Variants in CACNA1B observed in about 807,000 individuals in gnomAD.
CACNA1B encodes calcium voltage-gated channel subunit alpha1 B, also known as voltage-dependent N-type calcium channel subunit alpha-1B.
A neutral mutation model predicts 247.2 loss-of-function variants in CACNA1B; 70 were observed. The ratio of observed to expected loss-of-function variants is 0.28; its 90% confidence interval spans 0.23 to 0.35. CACNA1B has a LOEUF of 0.35. CACNA1B is among the 10% of genes least tolerant of loss of function. The pLI, the probability that CACNA1B is intolerant of heterozygous loss-of-function variation, is 1.00. For missense variants in CACNA1B, 2,367 were observed against 3,197.4 expected (o/e 0.74, Z 6.26); for synonymous variants, 1,231 against 1,294.4 (o/e 0.95, Z 1.05).
rs1957429001 is a variant in CACNA1B, at chr9:137,917,786, C to A, written c.966+355C>A. 6.6e-6 allele frequency among the ~76,000 whole-genome samples: 1 copy of A among 152,210 alleles called. No homozygotes were observed. Among genetic ancestry groups the A allele is most frequent in the Non-Finnish European group, 1.5e-5 (1 of 68,038 alleles). On this transcript the variant is annotated intron_variant, in intron 6 of 46. Coordinates refer to ENST00000371372, the MANE Select transcript of CACNA1B (RefSeq NM_000718.4). This position sits in a 1 kb window ranked among gnomAD's most constrained non-coding sequence, Gnocchi z 5.5. ...CACTGCTAGCTGCTCTGGGTTAGGC[C>A]CTCTGGGAAGTGTTTTATTCCTGTT... is the stretch of plus-strand genomic sequence containing the variant.
At chr9:137,915,199 T>C (rs1325946805) in intron 5 of CACNA1B, among the ~76,000 whole-genome samples, 1 of 152,218 alleles carries the variant, frequency 6.6e-6, no homozygotes, top group Non-Finnish European at 1.5e-5. Context: ...CAAAGGCCTA[T>C]GGTGCGGAGC....
At chr9:138,021,287 G>A (rs1275426042) in intron 18 of CACNA1B, among the ~76,000 whole-genome samples, 1 of 152,204 alleles carries the variant, frequency 6.6e-6, no homozygotes, top group East Asian at 1.9e-4. Context: ...GGGGTCTGCA[G>A]ACGGCCCCTA....
At chr9:137,910,890 A>C (rs4876919) in intron 3 of CACNA1B, among the ~76,000 whole-genome samples, 12,112 of 152,092 alleles carry the variant, frequency 0.08, 645 homozygotes, top group Middle Eastern at 0.15. Context: ...CTTTTGATGA[A>C]GTTCAATCTA....
intron 10 of CACNA1B, among the ~76,000 whole-genome samples, chr9:137,965,556 C>A (rs1382954413): frequency 6.6e-6 from 1 of 151,818 alleles, no homozygotes; most frequent in East Asian, 1.9e-4. Flanking sequence ...GTGGTGCATG[C>A]CTGTAGTCCT....
intron 26 of CACNA1B, among the ~76,000 whole-genome samples, chr9:138,055,104 A>G (rs974682134): frequency 2.0e-5 from 3 of 151,942 alleles, no homozygotes; most frequent in Non-Finnish European, 2.9e-5. Flanking sequence ...GTGTCTTTTA[A>G]AAAACAAAGT....
In CACNA1B at chr9:138,013,231, G is replaced by A. The variant is rs375775314; in HGVS notation, c.2263G>A (p.Ala755Thr). ...SPMSAANISIAARQQNSAKAR... is the reference protein window; with the variant it reads ...SPMSAANISITARQQNSAKAR... ...CATGTCTGCCGCGAACATCTCCATC[G>A]CCGCGTAAGGCTCCTAGGAGTGGAT... is the stretch of plus-strand genomic sequence containing the variant. Residue 755 changes from alanine to threonine, a missense_variant, in exon 18 of 47, where the codon GCC (alanine) becomes ACC (threonine). Ala to Thr is a moderately conservative substitution (Grantham distance 58, BLOSUM62 0). Transcript: ENST00000371372. 15 of 1,587,788 alleles carry A rather than the reference G, an allele frequency of 9.4e-6. No individual in the cohort carries two copies. The highest frequency in any genetic ancestry group is 3.5e-5 in the Admixed American group (2 of 57,678).
At chr9:138,016,174 T>A (rs2133427899) in intron 18 of CACNA1B, among the ~76,000 whole-genome samples, 1 of 152,150 alleles carries the variant, frequency 6.6e-6, no homozygotes, top group South Asian at 2.1e-4. Context: ...ACACACAGTC[T>A]CACACACACA....
intron 13 of CACNA1B, among the ~76,000 whole-genome samples, chr9:137,984,649 T>C (rs1424006620): frequency 6.6e-6 from 1 of 152,156 alleles, no homozygotes; most frequent in African/African-American, 2.4e-5. Flanking sequence ...CCCCTGCAGC[T>C]CCACCCCTGG....
chr9:138,066,427 A>G (rs1959916758), intron 31 of CACNA1B, among the ~76,000 whole-genome samples: 1 of 152,172 alleles, frequency 6.6e-6, no homozygotes, highest in Admixed American at 6.5e-5. Flanking sequence ...AGTCTGGGCA[A>G]CAGAGCAAAA....
chr9:137,940,109 C>T lies in CACNA1B; in HGVS notation c.967-12165C>T, dbSNP rs369225993. Among the ~76,000 whole-genome samples the T allele has an allele frequency of 1.1e-4, 17 of 151,618 alleles. No homozygotes were observed. In the East Asian group the frequency reaches 1.5e-3, roughly 14 times the overall value. On this transcript the variant is annotated intron_variant, in intron 6 of 46. Coordinates refer to ENST00000371372, the MANE Select transcript of CACNA1B (RefSeq NM_000718.4). ...TAAATGAAACTTAAACAAAAAAACA[C>T]AAAAGATAAATGAAACAAAAAGCTA...
chr9:138,040,279 A>G (rs1959101512), intron 20 of CACNA1B, among the ~76,000 whole-genome samples: 1 of 151,992 alleles, frequency 6.6e-6, no homozygotes, highest in African/African-American at 2.4e-5. Flanking sequence ...GAATTCCTGT[A>G]TCTGAAGTCT....
intron 18 of CACNA1B, among the ~76,000 whole-genome samples, chr9:138,022,807 G>GA (rs1554748665): frequency 1.6e-4 from 11 of 70,594 alleles, no homozygotes; most frequent in East Asian, 3.1e-3. Flanking sequence ...GGACACCGTG[G>GA]GGGGGGGGGG....
chr9:137,962,284 G>T (rs1276770314), intron 10 of CACNA1B, among the ~76,000 whole-genome samples: 4 of 144,516 alleles, frequency 2.8e-5, no homozygotes, highest in South Asian at 4.5e-4. Context: ...TTTTTTTTTA[G>T]TCTAGCTAGT....
At position 138,078,103 on chromosome 9, in the gene CACNA1B, C is replaced by T. The variant is rs753995905; in HGVS notation, c.4950-11C>T. ...CCTCTGTGGGCCTCACAACTCTGCC[C>T]TTCTTCTCAGGAGCGCCACGGGGGA... On this transcript the variant is annotated splice_polypyrimidine_tract_variant and intron_variant, in intron 35 of 46. Transcript: ENST00000371372. 117 of 1,612,784 alleles carry T rather than the reference C, an allele frequency of 7.3e-5. No homozygotes were observed. The highest frequency in any genetic ancestry group is 9.5e-5 in the Non-Finnish European group (112 of 1,179,376).
At chr9:138,034,058 C>T (rs1173114185) in intron 20 of CACNA1B, among the ~76,000 whole-genome samples, 1 of 152,146 alleles carries the variant, frequency 6.6e-6, no homozygotes, top group Non-Finnish European at 1.5e-5. Context: ...TAGCTCCCCA[C>T]TAGGCTTCCA....
chr9:138,089,208 A>G (rs937800992), intron 36 of CACNA1B, among the ~76,000 whole-genome samples: 1 of 152,092 alleles, frequency 6.6e-6, no homozygotes, highest in Admixed American at 6.5e-5. Context: ...AGAAAGAAAA[A>G]GGAAACTATA....
At chr9:138,017,933 G>A in intron 18 of CACNA1B, among the ~76,000 whole-genome samples, 1 of 121,256 alleles carries the variant, frequency 8.2e-6, no homozygotes, top group African/African-American at 3.9e-5. Context: ...GATGGAAGTG[G>A]CCAGGTGCAG....
Position 138,023,168 on chromosome 9 carries a change from A to T in CACNA1B, c.2425A>T (p.Met809Leu), listed in dbSNP as rs1353419781. ...FATTRHLRPD[M>L]KTHLDRPLVV... ...CACTACGCGCCACCTGCGGCCCGAC[A>T]TGAAGACGCACCTGGACCGGCCGCT... Residue 809 changes from methionine to leucine, a missense_variant, in exon 19 of 47, where the codon ATG (methionine) becomes TTG (leucine). Transcript: ENST00000371372. The T allele has an allele frequency of 6.5e-7, 1 of 1,533,764 alleles. No individual in the cohort carries two copies. Among genetic ancestry groups the T allele is most frequent in the Admixed American group, 2.0e-5 (1 of 51,272 alleles).
chr9:138,028,211 T>G (rs951164035), intron 20 of CACNA1B, among the ~76,000 whole-genome samples: 45 of 151,762 alleles, frequency 3.0e-4, no homozygotes, highest in Non-Finnish European at 5.0e-4. Context: ...TTAGTAGAGA[T>G]AGGGTTTCGC....
Sources: allele counts gnomAD v4.1 joint callset (sites outside exome capture counted in the v4.1 genomes callset), GRCh38; gene constraint gnomAD v4.1.1; non-coding constraint Gnocchi (gnomAD v3.1); transcripts MANE v1.5; gene names NCBI Gene and HGNC (gene_info 2026-07-23, HGNC 2026-07-21).